The following BRINP1 variants were observed in gnomAD, a reference collection of about 807,000 sequenced individuals.
BRINP1 encodes BMP/retinoic acid inducible neural specific 1.
BRINP1 carries 17 observed loss-of-function variants against 72.9 expected under a neutral mutation model. The observed-to-expected ratio is 0.23, with a 90% CI of 0.16 to 0.35. BRINP1 has a LOEUF of 0.35. BRINP1 is among the 10% of genes least tolerant of loss of function. The pLI is 1.00. For synonymous variants in BRINP1, 418 were observed against 378.5 expected (o/e 1.10, Z -1.21); for missense variants, 850 against 1,001.6 (o/e 0.85, Z 2.04).
At chr9:119,245,609 A>ATC (rs1830306679) in intron 3 of BRINP1, among the ~76,000 whole-genome samples, 2 of 152,122 alleles carry the variant, frequency 1.3e-5, no homozygotes, top group Admixed American at 6.5e-5. Context: ...TCCCATGGAA[A>ATC]TCTCTTATTT....
chr9:119,191,782 C>T (rs1449669404), intron 7 of BRINP1, among the ~76,000 whole-genome samples: 1 of 151,788 alleles, frequency 6.6e-6, no homozygotes, highest in Non-Finnish European at 1.5e-5. Context: ...CCAAAACTCA[C>T]ATAGCCAAAG....
chr9:119,174,162 C>T (rs1397874293), intron 7 of BRINP1, among the ~76,000 whole-genome samples: 1 of 149,530 alleles, frequency 6.7e-6, no homozygotes, highest in Non-Finnish European at 1.5e-5. Context: ...AAGAAACTAC[C>T]ATCAGAGTGA....
intron 5 of BRINP1, among the ~76,000 whole-genome samples, chr9:119,230,611 G>A (rs1054412988): frequency 1.3e-5 from 2 of 151,866 alleles, no homozygotes; most frequent in Non-Finnish European, 2.9e-5. Flanking sequence ...AAGAGAGTCC[G>A]GGTGCATGAG....
At position 119,168,725 on chromosome 9, in the gene BRINP1, AATTAT is replaced by A. The variant is rs1367131027; in HGVS notation, c.1146-506_1146-502del. ...ACATCTACCAACTTCAACAAAAACA[AATTAT>A]ATTTTATCATACGCTAGAAATCATG... is the stretch of plus-strand genomic sequence containing the variant. On this transcript the variant is annotated intron_variant, in intron 7 of 7. Coordinates refer to ENST00000265922, the MANE Select transcript of BRINP1 (RefSeq NM_014618.3). Among the ~76,000 whole-genome samples the A allele has an allele frequency of 2.5e-5, 3 of 121,386 alleles. No homozygotes were observed. The East Asian group carries it at 1.1e-3, about 46-fold the overall frequency. The allele number at this position is 121,386 out of a possible 152,430, so 79.6% of individuals were successfully genotyped here.
chr9:119,295,010 A>C (rs1452772592), intron 2 of BRINP1, among the ~76,000 whole-genome samples: 3 of 152,102 alleles, frequency 2.0e-5, no homozygotes, highest in South Asian at 2.1e-4. Flanking sequence ...GAAAAAAAAA[A>C]CTTAAAATAT....
chr9:119,332,408 G>GT (rs1831308415), intron 1 of BRINP1, among the ~76,000 whole-genome samples: 1 of 152,050 alleles, frequency 6.6e-6, no homozygotes, highest in African/African-American at 2.4e-5. Context: ...TACTTTAATG[G>GT]CCCCAACACA....
intron 1 of BRINP1, among the ~76,000 whole-genome samples, chr9:119,328,020 T>A (rs1489472407): frequency 6.6e-6 from 1 of 152,134 alleles, no homozygotes; most frequent in African/African-American, 2.4e-5. Context: ...AGTAAACTCA[T>A]GAGTCAAGAG....
intron 1 of BRINP1, among the ~76,000 whole-genome samples, chr9:119,358,746 A>C (rs1459295095): frequency 1.3e-5 from 2 of 152,324 alleles, no homozygotes; most frequent in East Asian, 3.9e-4. Flanking sequence ...GATTGTGTTG[A>C]AGATAACTTT....
At chr9:119,256,006 G>T (rs571904656) in intron 2 of BRINP1, among the ~76,000 whole-genome samples, 134 of 148,304 alleles carry the variant, frequency 9.0e-4, no homozygotes, top group Middle Eastern at 3.7e-3. Context: ...AGGAGAACTG[G>T]CTCTGTGCTC....
intron 6 of BRINP1, among the ~76,000 whole-genome samples, chr9:119,213,307 T>C (rs1205137110): frequency 6.6e-6 from 1 of 152,192 alleles, no homozygotes; most frequent in Non-Finnish European, 1.5e-5. Flanking sequence ...TCCATGAAGG[T>C]AGAGATCCTA....
chr9:119,294,223 T>C (rs981047793), intron 2 of BRINP1, among the ~76,000 whole-genome samples: 4 of 152,136 alleles, frequency 2.6e-5, no homozygotes, highest in Admixed American at 2.0e-4. Flanking sequence ...AAGACATATA[T>C]TCTGAAAATT....
At chr9:119,322,351 G>A (rs1235636984) in intron 1 of BRINP1, among the ~76,000 whole-genome samples, 5 of 152,194 alleles carry the variant, frequency 3.3e-5, no homozygotes, top group Non-Finnish European at 7.3e-5. Flanking sequence ...GTGGCGTGGT[G>A]AGCACGTGGG....
Position 119,213,915 on chromosome 9 carries a change from C to T in BRINP1, c.922+4G>A. The T allele has an allele frequency of 6.2e-7, 1 of 1,610,938 alleles. No individual in the cohort carries two copies. Among genetic ancestry groups the T allele is most frequent in the Non-Finnish European group, 8.5e-7 (1 of 1,177,086 alleles). On this transcript the variant is annotated splice_donor_region_variant and intron_variant, in intron 6 of 7. Transcript: ENST00000265922. ...ATGCAGTGGCACTGAGTGAGACTCT[C>T]TACCTGAATTCTCCAGGTCCTTATA...
intron 7 of BRINP1, among the ~76,000 whole-genome samples, chr9:119,205,270 T>C (rs1165343946): frequency 2.0e-5 from 3 of 152,166 alleles, no homozygotes; most frequent in Admixed American, 6.5e-5. Flanking sequence ...TACCCCTCGG[T>C]ACCTAGCACT....
At chr9:119,191,504 G>C (rs759413250) in intron 7 of BRINP1, among the ~76,000 whole-genome samples, 1 of 151,454 alleles carries the variant, frequency 6.6e-6, no homozygotes, top group Non-Finnish European at 1.5e-5. Flanking sequence ...AGTTGAAAAA[G>C]AAATTTTAAA....
intron 2 of BRINP1, among the ~76,000 whole-genome samples, chr9:119,261,984 G>A (rs1029395792): frequency 2.0e-5 from 3 of 151,350 alleles, no homozygotes; most frequent in Non-Finnish European, 4.4e-5. Context: ...TACAATATTG[G>A]ACATGTTTGA....
At chr9:119,262,173 T>C (rs993817430) in intron 2 of BRINP1, among the ~76,000 whole-genome samples, 1 of 152,190 alleles carries the variant, frequency 6.6e-6, no homozygotes, top group African/African-American at 2.4e-5. Flanking sequence ...ACTATGTGCA[T>C]GCCACATGTG....
At chr9:119,317,948 G>A (rs549543283) in intron 1 of BRINP1, among the ~76,000 whole-genome samples, 1 of 152,342 alleles carries the variant, frequency 6.6e-6, no homozygotes, top group African/African-American at 2.4e-5. Context: ...ACAGGATACT[G>A]TAAACATAAG....
intron 2 of BRINP1, among the ~76,000 whole-genome samples, chr9:119,253,225 A>T (rs1439148002): frequency 6.6e-6 from 1 of 152,198 alleles, no homozygotes; most frequent in Non-Finnish European, 1.5e-5. Flanking sequence ...AAAACTAAAA[A>T]TAGGACTACC....
Sources: gnomAD v4.1 joint callset for allele counts (sites outside exome capture counted in the v4.1 genomes callset) on GRCh38, gnomAD v4.1.1 for gene constraint, MANE v1.5 for transcripts, NCBI Gene and HGNC (gene_info 2026-07-23, HGNC 2026-07-21) for gene names.